UHRF1: variants seen among roughly 807,000 people sequenced by gnomAD.
UHRF1 encodes ubiquitin like with PHD and ring finger domains 1.
Under a neutral mutation model 96.5 loss-of-function variants are expected in UHRF1, and 9 were observed. The observed-to-expected ratio is 0.09, with a 90% CI of 0.06 to 0.16. UHRF1 has a LOEUF of 0.16. Ranked by LOEUF, UHRF1 falls within the 10% of genes least tolerant of loss-of-function variation. The probability of loss-of-function intolerance (pLI) is 1.00; values close to 1 mark genes in which losing one functional copy is unlikely to be tolerated. For missense variants in UHRF1, 626 were observed against 1,131.1 expected, an observed-to-expected ratio of 0.55 and a Z score of 6.40; for synonymous variants, 455 against 469.9, an observed-to-expected ratio of 0.97 and a Z score of 0.41.
chr19:4,930,525 C>T lies in UHRF1; in HGVS notation c.409-191C>T, dbSNP rs986769844. On this transcript the variant is annotated intron_variant, in intron 3 of 16. Coordinates refer to ENST00000650932, the MANE Select transcript of UHRF1 (RefSeq NM_001048201.3). The surrounding 1 kb of genome is among the most constrained non-coding windows in gnomAD (Gnocchi z 4.4). ...TAAGACAGTCCATGCCCCCTGGCCC[C>T]GCATCCCCGTCACCCCTGCCGGGGC... 1.5e-4 allele frequency among the ~76,000 whole-genome samples: 23 copies of T among 152,358 alleles called. No homozygotes were observed. In the East Asian group the frequency reaches 1.9e-3, roughly 13 times the overall value.
At chr19:4,905,323 G>C (rs1274940280), upstream of UHRF1, among the ~76,000 whole-genome samples, 1 of 150,672 alleles carries the variant, frequency 6.6e-6, no homozygotes, top group Non-Finnish European at 1.5e-5. Flanking sequence ...GTTTCACCAT[G>C]TTAGCCAGGA....
intron 2 of UHRF1, among the ~76,000 whole-genome samples, chr19:4,924,033 C>A (rs2032787385): frequency 6.6e-6 from 1 of 152,212 alleles, no homozygotes. Context: ...GTGGCGAGAT[C>A]CTGGCTCACT....
At chr19:4,951,053 G>C (rs1226178933) in intron 13 of UHRF1, 57 bp downstream of exon 13, 2 of 1,499,148 alleles carry the variant, frequency 1.3e-6, no homozygotes, top group Non-Finnish European at 8.9e-7. Context: ...GATCACTTAC[G>C]TTAGGAGTTC....
At chr19:4,942,527 C>T (rs1470510413) in intron 7 of UHRF1, among the ~76,000 whole-genome samples, 1 of 152,002 alleles carries the variant, frequency 6.6e-6, no homozygotes, top group African/African-American at 2.4e-5. Flanking sequence ...TGGCTCACTG[C>T]AACCTCTGCC....
chr19:4,917,715 C>T (rs1013113031), intron 2 of UHRF1, among the ~76,000 whole-genome samples: 10 of 148,734 alleles, frequency 6.7e-5, no homozygotes, highest in South Asian at 4.5e-4. Context: ...TGGAGTGCAG[C>T]GGCGTGATCA....
At position 4,930,822 on chromosome 19, in the gene UHRF1, C is replaced by A; in HGVS notation, c.515C>A (p.Ser172Tyr). Reference protein sequence around the residue: ...KAPSRDEPCSSTSRPALEEDV... With the variant: ...KAPSRDEPCSYTSRPALEEDV... ...CCCTCCCGGGACGAGCCCTGCAGCT[C>A]CACGTCCAGGCCGGCGCTGGAGGAG... Residue 172 changes from serine to tyrosine, a missense_variant, in exon 4 of 17, where the codon TCC becomes TAC. Coordinates refer to ENST00000650932, the MANE Select transcript of UHRF1 (RefSeq NM_001048201.3). This position sits in a 1 kb window ranked among gnomAD's most constrained non-coding sequence, Gnocchi z 4.4. 1 of 1,613,986 alleles carries A rather than the reference C, an allele frequency of 6.2e-7. No homozygotes were observed. Among genetic ancestry groups the A allele is most frequent in the Non-Finnish European group, 8.5e-7 (1 of 1,179,892 alleles).
At chr19:4,948,355 G>A (rs2033628593) in intron 11 of UHRF1, among the ~76,000 whole-genome samples, 1 of 151,944 alleles carries the variant, frequency 6.6e-6, no homozygotes, top group Admixed American at 6.6e-5. Context: ...AAAGCCCAAA[G>A]GAAAAGACAG....
upstream of UHRF1, chr19:4,909,172 G>T (rs888197070): frequency 1.1e-5 from 4 of 376,068 alleles, no homozygotes; most frequent in East Asian, 5.1e-5. Flanking sequence ...GCGTGCGAGT[G>T]GGGGGCTGCG....
chr19:4,944,316 T>C (rs1395254009), intron 8 of UHRF1, 27 bp from the exon 9 acceptor site: 3 of 1,613,852 alleles, frequency 1.9e-6, no homozygotes, highest in African/African-American at 1.3e-5. Flanking sequence ...CTCACGCTGT[T>C]GTTCTTTGTG....
intron 13 of UHRF1, among the ~76,000 whole-genome samples, chr19:4,952,623 C>T (rs940647074): frequency 6.6e-6 from 1 of 151,956 alleles, no homozygotes; most frequent in Non-Finnish European, 1.5e-5. Flanking sequence ...CTCAGGTGAT[C>T]CACCTGCTTC....
intron 7 of UHRF1, among the ~76,000 whole-genome samples, chr19:4,943,495 G>GGCCCCCCCC (rs2033469497): frequency 7.5e-6 from 1 of 133,210 alleles, no homozygotes; most frequent in Non-Finnish European, 1.6e-5. Flanking sequence ...TTGTTGCCCT[G>GGCCCCCCCC]CCCCCCCTCC....
intron 11 of UHRF1, among the ~76,000 whole-genome samples, chr19:4,948,899 G>A (rs866670442): frequency 1.3e-5 from 2 of 149,428 alleles, no homozygotes; most frequent in African/African-American, 2.5e-5. Flanking sequence ...TGAGGTGGGC[G>A]GATCACGATG....
chr19:4,950,577 C>T (rs1233128319), intron 11 of UHRF1, 34 bp from the exon 12 acceptor site: 4 of 1,601,196 alleles, frequency 2.5e-6, no homozygotes, highest in South Asian at 2.2e-5. Context: ...TACATCCTCA[C>T]CTATAATGCG....
intron 2 of UHRF1, among the ~76,000 whole-genome samples, chr19:4,916,169 G>A (rs1157033970): frequency 2.0e-5 from 3 of 152,148 alleles, no homozygotes; most frequent in African/African-American, 7.2e-5. Flanking sequence ...AGCCGGGCAT[G>A]GTGGCGCATG....
intron 4 of UHRF1, 73 bp from the exon 5 acceptor site, chr19:4,932,668 C>T (rs952043446): frequency 1.3e-6 from 2 of 1,549,794 alleles, no homozygotes; most frequent in Non-Finnish European, 1.8e-6. Flanking sequence ...GCCGTCCCAC[C>T]TCGGCTCGTT....
chr19:4,954,385 A>C lies in UHRF1; in HGVS notation c.1854A>C (p.Arg618=). 6.2e-7 allele frequency: 1 copy of C among 1,613,556 alleles called. No homozygotes were observed. Among genetic ancestry groups the C allele is most frequent in the Non-Finnish European group, 8.5e-7 (1 of 1,179,810 alleles). Residue 618 remains arginine (R), a synonymous_variant, in exon 14 of 17, where the codon CGA becomes CGC. Coordinates refer to ENST00000650932, the MANE Select transcript of UHRF1 (RefSeq NM_001048201.3). The surrounding 1 kb of genome is among the most constrained non-coding windows in gnomAD (Gnocchi z 5.9). The stretch of plus-strand genomic sequence containing the variant: ...GCTACCTGGAAGCCCTGGCCAACCG[A>C]GAGCGAGAGAAGGAGAACAGCAAGA... ...PEGYLEALAN[R]EREKENSKRE... is the part of the protein sequence containing the mutation.
chr19:4,913,115 A>G (rs1214583437), intron 2 of UHRF1, among the ~76,000 whole-genome samples: 2 of 152,142 alleles, frequency 1.3e-5, no homozygotes, highest in African/African-American at 2.4e-5. Context: ...ACAAATGTCT[A>G]CATCCATGCA....
chr19:4,920,425 G>A (rs2032666452), intron 2 of UHRF1, among the ~76,000 whole-genome samples: 1 of 151,696 alleles, frequency 6.6e-6, no homozygotes, highest in Admixed American at 6.6e-5. Flanking sequence ...GTGAGACTCC[G>A]TCTCAAAAAA....
intron 5 of UHRF1, among the ~76,000 whole-genome samples, chr19:4,940,644 A>G (rs1197596772): frequency 6.6e-6 from 1 of 150,658 alleles, no homozygotes; most frequent in Non-Finnish European, 1.5e-5. Flanking sequence ...GGAATTACAG[A>G]TGTGAGCCAC....
Sources: gnomAD v4.1 joint callset for allele counts (sites outside exome capture counted in the v4.1 genomes callset) on GRCh38, gnomAD v4.1.1 for gene constraint, Gnocchi (gnomAD v3.1) non-coding constraint, MANE v1.5 for transcripts, NCBI Gene and HGNC (gene_info 2026-07-23, HGNC 2026-07-21) for gene names.